The following LIPC variants were observed in gnomAD, a reference collection of about 807,000 sequenced individuals.
LIPC encodes the protein hepatic triacylglycerol lipase.
A neutral mutation model predicts 50.7 loss-of-function variants in LIPC; 44 were observed. The ratio of observed to expected loss-of-function variants is 0.87; its 90% CI spans 0.68 to 1.11. LIPC has a LOEUF of 1.11. LIPC is among the 50% of genes most tolerant of loss of function. The pLI is 0.00. For missense variants in LIPC, 697 were observed against 648.2 expected (o/e 1.08, Z -0.82); for synonymous variants, 271 against 256.4 (o/e 1.06, Z -0.54).
At chr15:58,482,632 A>T (rs1382876534) in intron 1 of LIPC, among the ~76,000 whole-genome samples, 2 of 152,180 alleles carry the variant, frequency 1.3e-5, no homozygotes, top group Admixed American at 6.5e-5. Flanking sequence ...CATGGCTGGG[A>T]CCAATCCTCA....
intron 1 of LIPC, among the ~76,000 whole-genome samples, chr15:58,536,387 T>C (rs1254935452): frequency 5.3e-5 from 8 of 152,106 alleles, no homozygotes; most frequent in African/African-American, 1.9e-4. Flanking sequence ...ACAGGTATAG[T>C]CATTTCTGTT....
intron 1 of LIPC, among the ~76,000 whole-genome samples, chr15:58,462,357 C>T (rs1163988752): frequency 6.6e-6 from 1 of 152,114 alleles, no homozygotes; most frequent in African/African-American, 2.4e-5. Flanking sequence ...CATCGGGATC[C>T]AGGAAAGGGG....
At position 58,541,378 on chromosome 15, in the gene LIPC, G is replaced by A. The variant is rs1336210151; in HGVS notation, c.274-407G>A. On this transcript the variant is annotated intron_variant, in intron 2 of 8. Transcript: ENST00000299022. ...GCACGCAGAAGGAGGCGTACAAATG[G>A]CCCTAAGGGACAGGTCAGCTTCCAG... Among the ~76,000 whole-genome samples the A allele has an allele frequency of 5.3e-5, 8 of 151,736 alleles. No individual in the cohort carries two copies. In the East Asian group the frequency reaches 1.6e-3, roughly 29 times the overall value.
At chr15:58,497,386 AAGG>A (rs138413462) in intron 1 of LIPC, among the ~76,000 whole-genome samples, 1,919 of 152,266 alleles carry the variant, frequency 0.013, 48 homozygotes, top group African/African-American at 0.044. Context: ...TTTATTGGGC[AAGG>A]AGAAGGGGTC....
intron 1 of LIPC, among the ~76,000 whole-genome samples, chr15:58,453,884 G>A (rs1490059127): frequency 5.9e-5 from 9 of 151,534 alleles, no homozygotes; most frequent in African/African-American, 9.7e-5. Flanking sequence ...AAAAAGAAAA[G>A]AAAAGAAAAA....
intron 1 of LIPC, among the ~76,000 whole-genome samples, chr15:58,447,041 G>A (rs1893720724): frequency 2.0e-5 from 3 of 149,878 alleles, no homozygotes; most frequent in South Asian, 4.3e-4. Flanking sequence ...CCAGCTACTT[G>A]GGAGGCTGAG....
chr15:58,495,152 C>T lies in LIPC; in HGVS notation c.89-43181C>T, dbSNP rs535388758. Among the ~76,000 whole-genome samples the T allele has an allele frequency of 3.8e-4, 58 of 152,324 alleles. 2 individuals carry two copies. Among genetic ancestry groups the T allele is most frequent in the Admixed American group, 3.6e-3 (55 of 15,300 alleles). On this transcript the variant is annotated intron_variant, in intron 1 of 8. Transcript: ENST00000299022. ...GTCAAGCAAGAAGAGCACTGGACTA[C>T]GCATCAAGACCTGGGGTGCTGATCC...
At chr15:58,540,392 A>G (rs1158019526) in intron 2 of LIPC, among the ~76,000 whole-genome samples, 1 of 152,200 alleles carries the variant, frequency 6.6e-6, no homozygotes, top group Non-Finnish European at 1.5e-5. Flanking sequence ...TTTCTCCTTC[A>G]TAACAATCCT....
intron 1 of LIPC, among the ~76,000 whole-genome samples, chr15:58,456,607 A>G (rs1365009501): frequency 1.3e-5 from 2 of 152,214 alleles, no homozygotes; most frequent in Admixed American, 6.5e-5. Flanking sequence ...GCAGGAGCAC[A>G]TGGGTAGCCA....
At chr15:58,524,088 G>A (rs1234794565) in intron 1 of LIPC, among the ~76,000 whole-genome samples, 2 of 151,612 alleles carry the variant, frequency 1.3e-5, no homozygotes, top group Admixed American at 6.6e-5. Context: ...TCCCACCATG[G>A]GTAACCACTT....
At chr15:58,484,689 C>T (rs996795598) in intron 1 of LIPC, among the ~76,000 whole-genome samples, 1 of 151,988 alleles carries the variant, frequency 6.6e-6, no homozygotes, top group Non-Finnish European at 1.5e-5. Context: ...AGCCCACACA[C>T]TCTGACTCCA....
At chr15:58,564,491 G>C (rs1595959974) in intron 8 of LIPC, among the ~76,000 whole-genome samples, 3 of 6,956 alleles carry the variant, frequency 4.3e-4, no homozygotes, top group Middle Eastern at 0.2. Flanking sequence ...ACTTTGGGAG[G>C]CCTTGGCGGG....
chr15:58,437,396 A>C (rs1367930750), intron 1 of LIPC, among the ~76,000 whole-genome samples: 1 of 152,202 alleles, frequency 6.6e-6, no homozygotes, highest in African/African-American at 2.4e-5. Flanking sequence ...GGAAAAAAAA[A>C]CAGGACTAAA....
At chr15:58,548,980 T>G (rs1278976274) in intron 6 of LIPC, among the ~76,000 whole-genome samples, 1 of 152,152 alleles carries the variant, frequency 6.6e-6, no homozygotes, top group Non-Finnish European at 1.5e-5. Context: ...ATGAAAAAAC[T>G]GGATTCTAGA....
At position 58,563,552 on chromosome 15, in the gene LIPC, T is replaced by C; in HGVS notation, c.1217T>C (p.Leu406Pro). The part of the protein sequence containing the change: ...SNKTYSFLIT[L>P]DVDIGELIMI... ...AAAACGTATTCCTTTCTTATCACGC[T>C]GGATGTGGATATCGGCGAGCTGATC... Residue 406 changes from leucine (L) to proline (P), a missense_variant, in exon 8 of 9, where the codon CTG (leucine) becomes CCG (proline). By Grantham distance (98) the Leu-to-Pro change is moderately conservative. Coordinates refer to ENST00000299022, the MANE Select transcript of LIPC (RefSeq NM_000236.3). 6.2e-7 allele frequency: 1 copy of C among 1,614,222 alleles called. No individual in the cohort carries two copies. The highest frequency in any genetic ancestry group is 8.5e-7 in the Non-Finnish European group (1 of 1,180,040).
intron 1 of LIPC, among the ~76,000 whole-genome samples, chr15:58,466,120 T>C (rs1894553809): frequency 6.6e-6 from 1 of 152,252 alleles, no homozygotes; most frequent in Non-Finnish European, 1.5e-5. Context: ...TTATTAGGAA[T>C]CATTTATGTA....
At position 58,561,476 on chromosome 15, in the gene LIPC, G is replaced by A. The variant is rs577866802; in HGVS notation, c.1169+495G>A. Reference sequence around the variant, plus strand: ...TGGAGACCAAGGTTCTTATTATGCAGAAGAAGCCTCCAGGTAGCAGGCTTC... The same window carrying A: ...TGGAGACCAAGGTTCTTATTATGCAAAAGAAGCCTCCAGGTAGCAGGCTTC... On this transcript the variant is annotated intron_variant, in intron 7 of 8. Transcript: ENST00000299022. Among the ~76,000 whole-genome samples the A allele has an allele frequency of 5.8e-4, 89 of 152,282 alleles. 1 individual carries two copies. The Middle Eastern group carries it at 0.051, about 87-fold the overall frequency.
At chr15:58,535,119 T>C (rs1383864950) in intron 1 of LIPC, among the ~76,000 whole-genome samples, 1 of 152,236 alleles carries the variant, frequency 6.6e-6, no homozygotes. Flanking sequence ...ACTTGACTGA[T>C]GCTTTATCTT....
chr15:58,531,808 A>T (rs1312738999), intron 1 of LIPC, among the ~76,000 whole-genome samples: 1 of 152,196 alleles, frequency 6.6e-6, no homozygotes, highest in African/African-American at 2.4e-5. Flanking sequence ...TAATAAATTA[A>T]TTTCAGCAGC....
Sources: allele counts gnomAD v4.1 joint callset (sites outside exome capture counted in the v4.1 genomes callset), GRCh38; gene constraint gnomAD v4.1.1; transcripts MANE v1.5; gene names NCBI Gene and HGNC (gene_info 2026-07-23, HGNC 2026-07-21).